The following EFNB2 variants were observed in gnomAD, a reference collection of about 807,000 sequenced individuals.
EFNB2 encodes ephrin B2, also known as ephrin-B2.
A neutral mutation model predicts 32.1 loss-of-function variants in EFNB2; 5 were observed. The observed-to-expected ratio is 0.16, with a 90% confidence interval of 0.08 to 0.33. The LOEUF is 0.33. Among genes scored for constraint, EFNB2 ranks in the 10% least tolerant of loss-of-function variants. The probability of loss-of-function intolerance (pLI) is 1.00; values close to 1 mark genes in which losing one functional copy is unlikely to be tolerated. For missense variants in EFNB2, 263 were observed against 422.6 expected (o/e 0.62, Z 3.31); for synonymous variants, 168 against 166.5 (o/e 1.01, Z -0.07).
chr13:106,492,745 T>C lies in EFNB2; in HGVS notation c.*295A>G. On this transcript the variant is annotated 3_prime_UTR_variant, in exon 5 of 5. Coordinates refer to ENST00000646441, the MANE Select transcript of EFNB2 (RefSeq NM_004093.4). The surrounding 1 kb of genome is among the most constrained non-coding windows in gnomAD (Gnocchi z 5.1). ...TCTTCCCTTGGCTTCTGCAGAGGCC[T>C]GAGTGACCGCAGCACATGGCTTCGA... 3.2e-6 allele frequency: 1 copy of C among 310,792 alleles called. No individual in the cohort carries two copies. The highest frequency in any genetic ancestry group is 6.8e-5 in the South Asian group (1 of 14,610). 19.3% of individuals were successfully genotyped at this position (310,792 alleles called of 1,614,324 possible).
intron 2 of EFNB2, among the ~76,000 whole-genome samples, chr13:106,502,942 G>A (rs770537247): frequency 5.9e-5 from 9 of 152,124 alleles, no homozygotes; most frequent in Non-Finnish European, 1.0e-4. Context: ...AAAACATACC[G>A]TCCAGGCTCA....
chr13:106,516,711 C>A (rs1371951187), intron 1 of EFNB2: 1 of 152,184 alleles, frequency 6.6e-6, no homozygotes. Flanking sequence ...AGCTCCACAC[C>A]AAGCACACAT....
At chr13:106,504,128 A>T (rs374151186) in intron 2 of EFNB2, among the ~76,000 whole-genome samples, 7 of 152,356 alleles carry the variant, frequency 4.6e-5, no homozygotes, top group African/African-American at 1.7e-4. Context: ...TATCCTTGCC[A>T]AGATACGAAA....
intron 1 of EFNB2, among the ~76,000 whole-genome samples, chr13:106,526,059 T>C (rs1467388940): frequency 1.3e-5 from 2 of 152,082 alleles, no homozygotes; most frequent in Non-Finnish European, 2.9e-5. Flanking sequence ...GTTAAACATG[T>C]CCATCTTCAA....
rs1426318105 is a variant in EFNB2 at position 106,490,690 on chromosome 13, TA to T, written c.*2349del. The T allele has an allele frequency of 6.6e-6, 1 of 152,026 alleles. No individual in the cohort carries two copies. Among genetic ancestry groups the T allele is most frequent in the Non-Finnish European group, 1.5e-5 (1 of 68,014 alleles). 9.4% of individuals were successfully genotyped at this position (152,026 alleles called of 1,614,324 possible). A position where few individuals can be genotyped will look rare whatever the true frequency, so the allele number is the denominator to read the frequency against. On this transcript the variant is annotated 3_prime_UTR_variant, in exon 5 of 5. Coordinates refer to ENST00000646441, the MANE Select transcript of EFNB2 (RefSeq NM_004093.4). ...GAGAGGTTGGGGTGATGGAAAGAAT[TA>T]CATATGTACTGTGGCTGGTTACCAT...
intron 2 of EFNB2, among the ~76,000 whole-genome samples, chr13:106,501,690 T>C (rs1324340394): frequency 1.3e-5 from 2 of 152,032 alleles, no homozygotes; most frequent in Non-Finnish European, 2.9e-5. Context: ...CCTCCCAGGT[T>C]CACGCCATTC....
In EFNB2 at chr13:106,493,014, A is replaced by C; in HGVS notation, c.*26T>G. ...TCGGGACATTAGGTGTCCTCTGGGAAAGCACAGGTACCACCAGGGTCCCTC... is the reference window on the plus strand; with the variant it reads ...TCGGGACATTAGGTGTCCTCTGGGACAGCACAGGTACCACCAGGGTCCCTC... On this transcript the variant is annotated 3_prime_UTR_variant, in exon 5 of 5. Coordinates refer to ENST00000646441, the MANE Select transcript of EFNB2 (RefSeq NM_004093.4). The surrounding 1 kb of genome is among the most constrained non-coding windows in gnomAD (Gnocchi z 6.1). The C allele has an allele frequency of 3.2e-6, 5 of 1,579,612 alleles. No homozygotes were observed. The highest frequency in any genetic ancestry group is 4.3e-6 in the Non-Finnish European group (5 of 1,160,594).
In EFNB2 at chr13:106,495,776, G is replaced by A. The variant is rs1372138139; in HGVS notation, c.471C>T (p.Ala157=). ...GTCCAACTTTCATGAGGATCTTCATGGCTCTTGTCTGGCACACCCCTCCCT... is the reference window on the plus strand; with the variant it reads ...GTCCAACTTTCATGAGGATCTTCATAGCTCTTGTCTGGCACACCCCTCCCT... The part of the protein sequence containing the change: ...NQEGGVCQTR[A]MKILMKVGQD... The change falls in exon 3 of 5, where the codon GCC becomes GCT. Residue 157 remains alanine, a synonymous_variant. Coordinates refer to ENST00000646441, the MANE Select transcript of EFNB2 (RefSeq NM_004093.4). The A allele has an allele frequency of 3.7e-6, 6 of 1,614,012 alleles. No homozygotes were observed. The highest frequency in any genetic ancestry group is 1.3e-5 in the African/African-American group (1 of 74,910).
intron 1 of EFNB2, among the ~76,000 whole-genome samples, chr13:106,527,227 G>T (rs913069869): frequency 6.6e-6 from 1 of 151,616 alleles, no homozygotes; most frequent in Admixed American, 6.6e-5. Flanking sequence ...GATGCAACAG[G>T]ATTTAAATTG....
chr13:106,511,043 T>A (rs1417973745), intron 2 of EFNB2, among the ~76,000 whole-genome samples: 1 of 152,100 alleles, frequency 6.6e-6, no homozygotes, highest in African/African-American at 2.4e-5. Context: ...TTTACTAATA[T>A]AAATACATTG....
chr13:106,490,509 T>A lies in EFNB2; in HGVS notation c.*2531A>T, dbSNP rs1315866129. On this transcript the variant is annotated 3_prime_UTR_variant, in exon 5 of 5. Transcript: ENST00000646441. ...ATCAATTCATCTGATTTTTCACAGTTTAGCATAGAACCAAAACGTAGCCAA... is the reference window on the plus strand; with the variant it reads ...ATCAATTCATCTGATTTTTCACAGTATAGCATAGAACCAAAACGTAGCCAA... 2 of 152,158 alleles carry A rather than the reference T, an allele frequency of 1.3e-5. No homozygotes were observed. Among genetic ancestry groups the A allele is most frequent in the African/African-American group, 4.8e-5 (2 of 41,430 alleles). The allele number at this position is 152,158 out of a possible 1,614,324, so 9.4% of individuals were successfully genotyped here.
rs762444187 is a variant in EFNB2, at chr13:106,494,989, T to C, written c.505A>G (p.Ser169Gly). The C allele has an allele frequency of 6.2e-7, 1 of 1,613,626 alleles. No homozygotes were observed. Among genetic ancestry groups the C allele is most frequent in the East Asian group, 2.2e-5 (1 of 44,862 alleles). Residue 169 changes from serine (S) to glycine (G), a missense_variant, in exon 4 of 5, where the codon AGT (serine) becomes GGT (glycine). This residue lies in a region of EFNB2 where 172 missense variants were observed against 237.1 expected (regional missense o/e 0.73). Transcript: ENST00000646441. ...KILMKVGQDA[S>G]SAGSTRNKDP... The stretch of plus-strand genomic sequence containing the variant: ...TTATTCCTGGTTGATCCAGCAGAAC[T>C]TGCATCTATATGAAAAACAAATGAT...
At chr13:106,521,050 T>C (rs1879501394) in intron 1 of EFNB2, 4 of 152,204 alleles carry the variant, frequency 2.6e-5, no homozygotes, top group Non-Finnish European at 5.9e-5. Context: ...TGGATGTATA[T>C]GTGTGTTGGA....
Position 106,492,866 on chromosome 13 carries a change from G to T in EFNB2, c.*174C>A. 1 of 802,604 alleles carries T rather than the reference G, an allele frequency of 1.2e-6. No individual in the cohort carries two copies. The highest frequency in any genetic ancestry group is 1.9e-6 in the Non-Finnish European group (1 of 526,572). 49.7% of individuals were successfully genotyped at this position (802,604 alleles called of 1,614,324 possible). A position where few individuals can be genotyped will look rare whatever the true frequency, so the allele number is the denominator to read the frequency against. On this transcript the variant is annotated 3_prime_UTR_variant, in exon 5 of 5. Coordinates refer to ENST00000646441, the MANE Select transcript of EFNB2 (RefSeq NM_004093.4). The surrounding 1 kb of genome is among the most constrained non-coding windows in gnomAD (Gnocchi z 5.1). ...GCGTGTGTGTTCACCAAGGCCGAAT[G>T]CTACAAGACTAGGTAAGCTGTCCAG...
In EFNB2 at chr13:106,535,157, G is replaced by A. The variant is rs1880029518; in HGVS notation, c.-193C>T. 2.6e-6 allele frequency: 1 copy of A among 382,878 alleles called. No homozygotes were observed. Among genetic ancestry groups the A allele is most frequent in the Non-Finnish European group, 3.8e-6 (1 of 265,316 alleles). The allele number at this position is 382,878 out of a possible 1,614,324, so 23.7% of individuals were successfully genotyped here. On this transcript the variant is annotated 5_prime_UTR_variant, in exon 1 of 5. Coordinates refer to ENST00000646441, the MANE Select transcript of EFNB2 (RefSeq NM_004093.4). The stretch of plus-strand genomic sequence containing the variant: ...CGCTCTCCGGGGCCCTCAGGGCGCG[G>A]GGCGGGAGCGCACGCGCGGGGCGCG...
chr13:106,524,724 T>C lies in EFNB2; in HGVS notation c.122+10119A>G, dbSNP rs116853789. 3.4e-3 allele frequency among the ~76,000 whole-genome samples: 521 copies of C among 152,276 alleles called. 1 individual carries two copies. Among genetic ancestry groups the C allele is most frequent in the Non-Finnish European group, 5.8e-3 (393 of 68,034 alleles). ...GCTCACAGTACTCTCTACTAGAATA[T>C]ACAAAATGAATTCAAAGAGCCTCCT... On this transcript the variant is annotated intron_variant, in intron 1 of 4. Transcript: ENST00000646441.
intron 2 of EFNB2, among the ~76,000 whole-genome samples, chr13:106,505,332 C>T (rs778361892): frequency 2.6e-5 from 4 of 152,174 alleles, no homozygotes; most frequent in Admixed American, 1.3e-4. Flanking sequence ...AAACTAACAA[C>T]GCCGGCCTAA....
intron 4 of EFNB2, among the ~76,000 whole-genome samples, chr13:106,494,295 A>G (rs1420309980): frequency 6.6e-6 from 1 of 152,192 alleles, no homozygotes; most frequent in Non-Finnish European, 1.5e-5. Context: ...CAAATACAGA[A>G]CTATTTGTTC....
chr13:106,528,242 T>C (rs1879763728), intron 1 of EFNB2, among the ~76,000 whole-genome samples: 1 of 152,158 alleles, frequency 6.6e-6, no homozygotes, highest in Non-Finnish European at 1.5e-5. Flanking sequence ...ACTTTAAAAA[T>C]GTTTTGAGTC....
Sources: allele counts gnomAD v4.1 joint callset (sites outside exome capture counted in the v4.1 genomes callset), GRCh38; gene constraint gnomAD v4.1.1; regional missense constraint gnomAD v4.1.1; non-coding constraint Gnocchi (gnomAD v3.1); transcripts MANE v1.5; gene names NCBI Gene and HGNC (gene_info 2026-07-23, HGNC 2026-07-21).